The following SLC36A1 variants were observed in gnomAD, a reference collection of about 807,000 sequenced individuals.
SLC36A1 encodes the protein solute carrier family 36 member 1.
SLC36A1 carries 30 observed loss-of-function variants against 47.5 expected under a neutral mutation model. The observed-to-expected ratio is 0.63, with a 90% CI of 0.47 to 0.86. SLC36A1 has a LOEUF of 0.86. Among genes scored for constraint, SLC36A1 ranks in the 40% least tolerant of loss-of-function variants. The pLI is 0.00. For missense variants in SLC36A1, 517 were observed against 606.0 expected (o/e 0.85, Z 1.54); for synonymous variants, 255 against 249.7 (o/e 1.02, Z -0.20).
At chr5:151,507,704 C>G in the SLC36A1 span, 23 of 1,151,422 alleles carry the variant, frequency 2.0e-5, no homozygotes, top group Admixed American at 1.4e-4. Context: ...ACTGCTCCCC[C>G]CAAAACCTAC....
At chr5:151,536,234 C>T in the SLC36A1 span, among the ~76,000 whole-genome samples, 1 of 151,868 alleles carries the variant, frequency 6.6e-6, no homozygotes, top group Admixed American at 6.6e-5. Context: ...AAAAAAACGC[C>T]ATTTTTTAAA....
intron 1 of SLC36A1, among the ~76,000 whole-genome samples, chr5:151,454,615 C>G (rs1244908229): frequency 6.6e-6 from 1 of 151,670 alleles, no homozygotes; most frequent in African/African-American, 2.4e-5. Flanking sequence ...TTCCTTACAC[C>G]TAGCAAAAAA....
chr5:151,463,601 A>T lies in SLC36A1; in HGVS notation c.192A>T (p.Gly64=). Residue 64 remains glycine, a synonymous_variant, in exon 3 of 11, where the codon GGA becomes GGT. Coordinates refer to ENST00000243389, the MANE Select transcript of SLC36A1 (RefSeq NM_078483.4). Reference sequence around the variant, plus strand: ...TGTTAAAAGGCAACATTGGCACAGGACTCCTGGGACTCCCTCTGGCGGTGA... The same window carrying T: ...TGTTAAAAGGCAACATTGGCACAGGTCTCCTGGGACTCCCTCTGGCGGTGA... ...IHLLKGNIGT[G]LLGLPLAVKN... 3 of 1,614,006 alleles carry T rather than the reference A, an allele frequency of 1.9e-6. No homozygotes were observed. The highest frequency in any genetic ancestry group is 2.5e-6 in the Non-Finnish European group (3 of 1,180,000).
chr5:151,380,766 T>C, the SLC36A1 span: 1 of 535,954 alleles, frequency 1.9e-6, no homozygotes, highest in East Asian at 5.1e-5. Flanking sequence ...AGACAGATGG[T>C]GGACATTGTG....
At chr5:151,461,844 T>C (rs1275558298) in intron 2 of SLC36A1, among the ~76,000 whole-genome samples, 1 of 152,200 alleles carries the variant, frequency 6.6e-6, no homozygotes, top group Non-Finnish European at 1.5e-5. Flanking sequence ...GTCTTTAATA[T>C]TCTGTGTGGC....
At chr5:151,379,096 T>C in the SLC36A1 span, among the ~76,000 whole-genome samples, 2 of 152,136 alleles carry the variant, frequency 1.3e-5, no homozygotes, top group Non-Finnish European at 2.9e-5. Context: ...AAGCTGAGAA[T>C]GGGGAGAGAA....
chr5:151,504,569 G>T, the SLC36A1 span: 15 of 152,652 alleles, frequency 9.8e-5, no homozygotes, highest in African/African-American at 3.6e-4. Flanking sequence ...TGGACACTGC[G>T]GTCCAGCTCC....
chr5:151,467,126 A>C, intron 5 of SLC36A1, 73 bp from the exon 6 acceptor site: 1 of 1,226,554 alleles, frequency 8.2e-7, no homozygotes, highest in Non-Finnish European at 1.2e-6. Flanking sequence ...CAAAAACAAA[A>C]AACACCTCCC....
At chr5:151,369,877 C>G in the SLC36A1 span, among the ~76,000 whole-genome samples, 1 of 152,160 alleles carries the variant, frequency 6.6e-6, no homozygotes, top group Admixed American at 6.5e-5. Flanking sequence ...TCACTGCAAC[C>G]TCCGCCTCCC....
chr5:151,507,709 A>C, the SLC36A1 span: 3 of 1,112,776 alleles, frequency 2.7e-6, no homozygotes, highest in Non-Finnish European at 3.7e-6. Flanking sequence ...TCCCCCCAAA[A>C]CCTACCATCT....
the SLC36A1 span, among the ~76,000 whole-genome samples, chr5:151,397,897 G>A: frequency 1.0e-3 from 159 of 152,034 alleles, 1 homozygote; most frequent in African/African-American, 3.7e-3. Flanking sequence ...TGGGAGGATC[G>A]CTTGAGTCCA....
the SLC36A1 span, among the ~76,000 whole-genome samples, chr5:151,403,506 G>A: frequency 8.5e-5 from 13 of 152,240 alleles, no homozygotes; most frequent in South Asian, 1.2e-3. Context: ...TGCTCTTTCC[G>A]TGTGACCTGC....
chr5:151,489,811 G>A lies in SLC36A1; in HGVS notation c.*1557G>A, dbSNP rs547908315. 2.0e-4 allele frequency: 31 copies of A among 152,326 alleles called. No individual in the cohort carries two copies. Among genetic ancestry groups the A allele is most frequent in the African/African-American group, 7.5e-4 (31 of 41,558 alleles). The allele number at this position is 152,326 out of a possible 1,614,324, so 9.4% of individuals were successfully genotyped here. On this transcript the variant is annotated 3_prime_UTR_variant, in exon 11 of 11. Coordinates refer to ENST00000243389, the MANE Select transcript of SLC36A1 (RefSeq NM_078483.4). This position sits in a 1 kb window ranked among gnomAD's most constrained non-coding sequence, Gnocchi z 4.5. ...TGCACGTGTGTGTGTACGTGCGTGT[G>A]TGTGTGTGTTCCTGTGTAAGTAACA...
the SLC36A1 span, among the ~76,000 whole-genome samples, chr5:151,395,073 C>T: frequency 4.7e-3 from 723 of 152,338 alleles, 6 homozygotes; most frequent in African/African-American, 0.011. Context: ...GCTTCCTGGC[C>T]GCTTTGTTTA....
the SLC36A1 span, among the ~76,000 whole-genome samples, chr5:151,530,716 GTTC>G: frequency 6.6e-6 from 1 of 152,286 alleles, no homozygotes; most frequent in Admixed American, 6.5e-5. Flanking sequence ...TAGAAAAGGA[GTTC>G]TTATTATACA....
intron 10 of SLC36A1, among the ~76,000 whole-genome samples, chr5:151,483,767 T>G (rs1759159928): frequency 6.6e-6 from 1 of 152,162 alleles, no homozygotes; most frequent in Admixed American, 6.5e-5. Context: ...GATGCTGATT[T>G]GGTTTGGACA....
At chr5:151,512,246 T>C in the SLC36A1 span, 1 of 1,614,102 alleles carries the variant, frequency 6.2e-7, no homozygotes, top group Middle Eastern at 1.6e-4. This position sits in a 1 kb window ranked among gnomAD's most constrained non-coding sequence, Gnocchi z 4.1. Context: ...CAGCACTGGG[T>C]GAGGGCTTGT....
chr5:151,503,235 AATG>A, the SLC36A1 span, among the ~76,000 whole-genome samples: 1 of 147,970 alleles, frequency 6.8e-6, no homozygotes, highest in Admixed American at 6.6e-5. Context: ...TGTAGGTGAT[AATG>A]ACCCATCAAT....
At chr5:151,472,711 C>A (rs1055700239) in intron 7 of SLC36A1, among the ~76,000 whole-genome samples, 2 of 152,074 alleles carry the variant, frequency 1.3e-5, no homozygotes, top group African/African-American at 4.8e-5. Flanking sequence ...GGAAGAGAAC[C>A]AATATAAAAA....
Sources: gnomAD v4.1 joint callset for allele counts (sites outside exome capture counted in the v4.1 genomes callset) on GRCh38, gnomAD v4.1.1 for gene constraint, Gnocchi (gnomAD v3.1) non-coding constraint, MANE v1.5 for transcripts, NCBI Gene and HGNC (gene_info 2026-07-23, HGNC 2026-07-21) for gene names.